Variants in MAST4 observed in about 807,000 individuals in gnomAD.
The protein encoded by MAST4 is microtubule associated serine/threonine kinase family member 4.
A neutral mutation model predicts 162.7 loss-of-function variants in MAST4; 89 were observed. The ratio of observed to expected loss-of-function variants is 0.55; its 90% CI spans 0.46 to 0.65. The LOEUF (loss-of-function observed/expected upper bound fraction) is 0.65. Among genes scored for constraint, MAST4 ranks in the 30% least tolerant of loss-of-function variants. The pLI is 0.00. For missense variants in MAST4, 3,153 were observed against 3,374.0 expected, an observed-to-expected ratio of 0.93 and a Z score of 1.62; for synonymous variants, 1,479 against 1,361.1, an observed-to-expected ratio of 1.09 and a Z score of -1.91.
chr5:66,904,875 G>A (rs565789645), intron 4 of MAST4, among the ~76,000 whole-genome samples: 22 of 152,076 alleles, frequency 1.4e-4, no homozygotes, highest in Non-Finnish European at 3.2e-4. Flanking sequence ...CACCCAGGTA[G>A]TGAGTGAATA....
chr5:66,962,466 G>C (rs1746136235), intron 4 of MAST4, among the ~76,000 whole-genome samples: 1 of 152,204 alleles, frequency 6.6e-6, no homozygotes, highest in African/African-American at 2.4e-5. Flanking sequence ...CCAGCACTTC[G>C]AGAGGCTGAA....
At chr5:66,910,729 GTTTTTTTTTTTCTTT>G (rs1465422916) in intron 4 of MAST4, among the ~76,000 whole-genome samples, 22 of 112,812 alleles carry the variant, frequency 2.0e-4, no homozygotes, top group African/African-American at 2.5e-4. Context: ...TACACATGTG[GTTTTTTTTTTTCTTT>G]TTTTTTTTTT....
chr5:67,103,957 A>G (rs1163390757), intron 9 of MAST4, among the ~76,000 whole-genome samples: 3 of 152,238 alleles, frequency 2.0e-5, no homozygotes, highest in African/African-American at 7.2e-5. Flanking sequence ...GGAGATTATC[A>G]TTCTGAAATG....
chr5:66,838,087 A>G (rs1054152989), intron 3 of MAST4, among the ~76,000 whole-genome samples: 1 of 151,604 alleles, frequency 6.6e-6, no homozygotes, highest in Non-Finnish European at 1.5e-5. Flanking sequence ...CCTCTAAGGG[A>G]CCCATGGCAC....
intron 2 of MAST4, among the ~76,000 whole-genome samples, chr5:66,767,952 C>T (rs1435596015): frequency 1.3e-5 from 2 of 152,176 alleles, no homozygotes; most frequent in East Asian, 3.9e-4. Flanking sequence ...TTTGACAACA[C>T]CCTCACAGAC....
Position 66,673,996 on chromosome 5 carries a change from A to C in MAST4, c.363+76978A>C, listed in dbSNP as rs538799459. On this transcript the variant is annotated intron_variant, in intron 1 of 28. Transcript: ENST00000403625. ...AATGTAAGGCTCTCAGGATTACATA[A>C]AGTCTGAAAAAGTAATGAGTTGGAA... Among the ~76,000 whole-genome samples the C allele has an allele frequency of 3.9e-5, 6 of 152,356 alleles. No individual in the cohort carries two copies. In the South Asian group the frequency reaches 1.2e-3, roughly 32 times the overall value.
intron 2 of MAST4, among the ~76,000 whole-genome samples, chr5:66,771,766 T>C (rs2149638513): frequency 6.6e-6 from 1 of 152,140 alleles, no homozygotes; most frequent in African/African-American, 2.4e-5. Context: ...CTTTTTTTTT[T>C]TTTAACCTGT....
rs73765392 is a variant in MAST4, at chr5:66,868,889, A to G, written c.643-31062A>G. Among the ~76,000 whole-genome samples, 1,014 of 152,276 alleles carry G rather than the reference A, an allele frequency of 6.7e-3. 9 individuals carry two copies. The highest frequency in any genetic ancestry group is 0.023 in the African/African-American group (952 of 41,566). On this transcript the variant is annotated intron_variant, in intron 3 of 28. Transcript: ENST00000403625. Reference sequence around the variant, plus strand: ...AGTTTAAGATTCAGATCCTGGGTTTAATATCAACATCTGCCCCCTGCCGAG... The same window carrying G: ...AGTTTAAGATTCAGATCCTGGGTTTGATATCAACATCTGCCCCCTGCCGAG...
chr5:67,097,385 C>T (rs1581547508), intron 7 of MAST4, among the ~76,000 whole-genome samples: 1 of 151,920 alleles, frequency 6.6e-6, no homozygotes, highest in South Asian at 2.1e-4. Context: ...TTGTATGGGC[C>T]AGAAATCTGA....
At chr5:66,872,989 A>C (rs1761050963) in intron 3 of MAST4, among the ~76,000 whole-genome samples, 1 of 152,202 alleles carries the variant, frequency 6.6e-6, no homozygotes, top group African/African-American at 2.4e-5. Flanking sequence ...GTACACTATA[A>C]ATTAGCTAAC....
chr5:66,829,582 A>G (rs796180280), intron 3 of MAST4, among the ~76,000 whole-genome samples: 6 of 152,204 alleles, frequency 3.9e-5, no homozygotes, highest in Admixed American at 6.5e-5. Context: ...AAGCCAGAAC[A>G]TAAGTATGTT....
intron 6 of MAST4, among the ~76,000 whole-genome samples, chr5:67,092,822 A>G (rs1379898642): frequency 6.7e-6 from 1 of 148,562 alleles, no homozygotes; most frequent in Non-Finnish European, 1.5e-5. Flanking sequence ...AGTCAGGCCT[A>G]CTAAAGATCA....
At position 66,652,950 on chromosome 5, in the gene MAST4, T is replaced by C. The variant is rs189532702; in HGVS notation, c.363+55932T>C. ...TTGATCTTTACCTTGTTAATGTGTATGTCAATGCCTTTGTCAGGCCCCACG... is the reference window on the plus strand; with the variant it reads ...TTGATCTTTACCTTGTTAATGTGTACGTCAATGCCTTTGTCAGGCCCCACG... On this transcript the variant is annotated intron_variant, in intron 1 of 28. Coordinates refer to ENST00000403625, the MANE Select transcript of MAST4 (RefSeq NM_001164664.2). Among the ~76,000 whole-genome samples, 10 of 152,338 alleles carry C rather than the reference T, an allele frequency of 6.6e-5. No individual in the cohort carries two copies. In the East Asian group the frequency reaches 1.9e-3, roughly 29 times the overall value.
intron 5 of MAST4, among the ~76,000 whole-genome samples, chr5:67,059,582 C>A (rs530241117): frequency 3.3e-5 from 5 of 152,264 alleles, no homozygotes; most frequent in Admixed American, 6.5e-5. Flanking sequence ...CACAGTGACT[C>A]CAGGCTTTTA....
At chr5:67,153,016 T>C in intron 25 of MAST4, 150 bp downstream of exon 25, 1 of 657,108 alleles carries the variant, frequency 1.5e-6, no homozygotes, top group Non-Finnish European at 2.6e-6. Flanking sequence ...TCCCTGTATG[T>C]GTATGGTGGA....
chr5:67,112,834 G>A (rs1363579798), intron 11 of MAST4, among the ~76,000 whole-genome samples: 1 of 152,100 alleles, frequency 6.6e-6, no homozygotes, highest in African/African-American at 2.4e-5. Context: ...TTCAGCCCCT[G>A]TCTGAAGTGG....
intron 3 of MAST4, among the ~76,000 whole-genome samples, chr5:66,844,904 G>T (rs982740521): frequency 2.6e-5 from 4 of 151,518 alleles, no homozygotes; most frequent in Non-Finnish European, 5.9e-5. Context: ...AGATAAGAAG[G>T]ATACATATGA....
At chr5:66,776,954 G>C (rs1754632059) in intron 2 of MAST4, among the ~76,000 whole-genome samples, 1 of 152,160 alleles carries the variant, frequency 6.6e-6, no homozygotes, top group South Asian at 2.1e-4. Flanking sequence ...AATGCCAATG[G>C]TGCCAGAATC....
chr5:67,119,080 G>T (rs1046935236), intron 13 of MAST4, among the ~76,000 whole-genome samples: 1 of 152,218 alleles, frequency 6.6e-6, no homozygotes, highest in South Asian at 2.1e-4. Flanking sequence ...AGAAACTAGA[G>T]CACTTGAGTA....
Sources: gnomAD v4.1 joint callset for allele counts (sites outside exome capture counted in the v4.1 genomes callset) on GRCh38, gnomAD v4.1.1 for gene constraint, MANE v1.5 for transcripts, NCBI Gene and HGNC (gene_info 2026-07-23, HGNC 2026-07-21) for gene names.